LUZP2: variants seen among roughly 807,000 people sequenced by gnomAD.
The protein encoded by LUZP2 is leucine zipper protein 2.
LUZP2 carries 52 observed loss-of-function variants against 51.6 expected under a neutral mutation model. The ratio of observed to expected loss-of-function variants is 1.01; its 90% CI spans 0.81 to 1.27. The LOEUF (loss-of-function observed/expected upper bound fraction) is 1.27, where lower values mean the gene tolerates loss of function less well. LUZP2 is among the 50% of genes most tolerant of loss of function. The pLI is 0.00. For synonymous variants in LUZP2, 154 were observed against 137.3 expected, an observed-to-expected ratio of 1.12 and a Z score of -0.85; for missense variants, 436 against 395.4, an observed-to-expected ratio of 1.10 and a Z score of -0.87.
intron 1 of LUZP2, among the ~76,000 whole-genome samples, chr11:24,603,826 A>C (rs1306022557): frequency 6.6e-6 from 1 of 151,754 alleles, no homozygotes; most frequent in East Asian, 1.9e-4. Flanking sequence ...TGAGGCAGTA[A>C]AAGAAAAAGA....
intron 5 of LUZP2, chr11:24,785,732 A>G (rs1337525707): frequency 6.9e-6 from 2 of 288,450 alleles, no homozygotes; most frequent in Non-Finnish European, 5.2e-6. Context: ...TATGGCTAGG[A>G]TGCTACATAT....
chr11:24,882,194 T>TGA (rs1852490634), intron 5 of LUZP2, among the ~76,000 whole-genome samples: 2 of 152,060 alleles, frequency 1.3e-5, no homozygotes, highest in African/African-American at 4.8e-5. Context: ...AGGTCCAACA[T>TGA]ACTTTAAATA....
At chr11:25,070,787 G>A (rs1472906239) in intron 10 of LUZP2, among the ~76,000 whole-genome samples, 3 of 149,370 alleles carry the variant, frequency 2.0e-5, no homozygotes, top group South Asian at 4.2e-4. Flanking sequence ...GTGTGTGTGT[G>A]TGTGTGTGTG....
chr11:24,600,719 A>G (rs988032058), intron 1 of LUZP2, among the ~76,000 whole-genome samples: 1 of 152,182 alleles, frequency 6.6e-6, no homozygotes, highest in Non-Finnish European at 1.5e-5. Context: ...CTAGTGCTTT[A>G]TCTAGGCCTA....
intron 7 of LUZP2, among the ~76,000 whole-genome samples, chr11:24,920,605 AT>A: frequency 6.6e-6 from 1 of 152,100 alleles, no homozygotes; most frequent in East Asian, 1.9e-4. Context: ...CTATTCAACT[AT>A]AAAAAATAAA....
intron 1 of LUZP2, among the ~76,000 whole-genome samples, chr11:24,686,053 C>G (rs1239105846): frequency 6.6e-6 from 1 of 152,158 alleles, no homozygotes; most frequent in East Asian, 1.9e-4. Context: ...AATCATTTCA[C>G]TCTTCTTTCT....
At chr11:24,599,896 T>C (rs967101) in intron 1 of LUZP2, among the ~76,000 whole-genome samples, 149,532 of 152,208 alleles carry the variant, frequency 0.98, 73,503 homozygotes, top group East Asian at 1. Context: ...CTTTGCATCT[T>C]ATTTTCACAC....
At chr11:24,727,760 G>A (rs1040868268) in intron 1 of LUZP2, among the ~76,000 whole-genome samples, 2 of 151,944 alleles carry the variant, frequency 1.3e-5, no homozygotes, top group Non-Finnish European at 2.9e-5. Flanking sequence ...AGGCCAGCGA[G>A]AATATTGTGG....
chr11:25,029,662 G>T (rs542599385), intron 9 of LUZP2, among the ~76,000 whole-genome samples: 3 of 151,412 alleles, frequency 2.0e-5, no homozygotes, highest in African/African-American at 7.3e-5. Flanking sequence ...ATTTGAACCC[G>T]GGAGGCGGAG....
chr11:24,520,742 T>C (rs904736326), intron 1 of LUZP2, among the ~76,000 whole-genome samples: 1 of 152,150 alleles, frequency 6.6e-6, no homozygotes, highest in Non-Finnish European at 1.5e-5. Flanking sequence ...AGATAGATAA[T>C]TGCCATAGCA....
At chr11:24,964,820 C>G (rs1855534424) in intron 7 of LUZP2, among the ~76,000 whole-genome samples, 1 of 151,416 alleles carries the variant, frequency 6.6e-6, no homozygotes, top group Non-Finnish European at 1.5e-5. Context: ...ATTTATTTAC[C>G]TAGATAGTCA....
intron 7 of LUZP2, among the ~76,000 whole-genome samples, chr11:24,961,708 C>T (rs1324068180): frequency 2.6e-5 from 4 of 152,014 alleles, no homozygotes; most frequent in East Asian, 3.9e-4. Flanking sequence ...TCCAATTTGC[C>T]TGTCTGTGTC....
intron 7 of LUZP2, among the ~76,000 whole-genome samples, chr11:24,940,604 A>C (rs1854719272): frequency 6.6e-6 from 1 of 152,206 alleles, no homozygotes; most frequent in African/African-American, 2.4e-5. Flanking sequence ...TTGCAAATTA[A>C]TGAGTTAATA....
chr11:24,645,967 T>C (rs1207471971), intron 1 of LUZP2, among the ~76,000 whole-genome samples: 1 of 152,050 alleles, frequency 6.6e-6, no homozygotes, highest in Non-Finnish European at 1.5e-5. Context: ...TTCTGAACAA[T>C]GATAGAAATA....
rs117647119 is a variant in LUZP2, at chr11:24,900,767, C to T, written c.397-5224C>T. ...TACCTCACTTTCATTTTCTGTATGT[C>T]ATTTTGCTTTTTCTGTCCATAAATC... On this transcript the variant is annotated intron_variant, in intron 5 of 11. Transcript: ENST00000336930. Among the ~76,000 whole-genome samples the T allele has an allele frequency of 4.6e-5, 7 of 152,240 alleles. No homozygotes were observed. The East Asian group carries it at 1.4e-3, about 29-fold the overall frequency.
chr11:24,659,338 G>T (rs180715993), intron 1 of LUZP2, among the ~76,000 whole-genome samples: 14 of 152,110 alleles, frequency 9.2e-5, no homozygotes, highest in Admixed American at 7.9e-4. Context: ...AGCAAACACC[G>T]CATATTCTCA....
chr11:24,908,208 C>A (rs545015637), intron 6 of LUZP2, among the ~76,000 whole-genome samples: 148 of 152,208 alleles, frequency 9.7e-4, no homozygotes, highest in Admixed American at 4.6e-3. Context: ...CCCATTGACA[C>A]CCAGAAGATT....
chr11:24,903,863 T>C (rs1297021424), intron 5 of LUZP2, among the ~76,000 whole-genome samples: 2 of 152,120 alleles, frequency 1.3e-5, no homozygotes, highest in African/African-American at 4.8e-5. Flanking sequence ...AATTATGAGA[T>C]ATTTAAAGGG....
At chr11:24,866,460 G>C (rs138082628) in intron 5 of LUZP2, among the ~76,000 whole-genome samples, 11 of 152,090 alleles carry the variant, frequency 7.2e-5, no homozygotes, top group African/African-American at 2.4e-4. Context: ...AACTGCTCAA[G>C]TTTCTTTCAG....
Sources: gnomAD v4.1 joint callset for allele counts (sites outside exome capture counted in the v4.1 genomes callset) on GRCh38, gnomAD v4.1.1 for gene constraint, MANE v1.5 for transcripts, NCBI Gene and HGNC (gene_info 2026-07-23, HGNC 2026-07-21) for gene names.